The following MINK1 variants were observed in gnomAD, a reference collection of about 807,000 sequenced individuals.
The protein encoded by MINK1 is misshapen-like kinase 1.
Under a neutral mutation model 178.4 loss-of-function variants are expected in MINK1, and 46 were observed. That is an observed-to-expected ratio of 0.26 (90% confidence interval 0.20 to 0.33). The LOEUF (loss-of-function observed/expected upper bound fraction) is 0.33, where lower values mean the gene tolerates loss of function less well. Among genes scored for constraint, MINK1 ranks in the 10% least tolerant of loss-of-function variants. MINK1 has a pLI of 1.00. For synonymous variants in MINK1, 797 were observed against 709.7 expected, an observed-to-expected ratio of 1.12 and a Z score of -1.96; for missense variants, 1,366 against 1,814.9, an observed-to-expected ratio of 0.75 and a Z score of 4.49.
At chr17:4,847,483 G>A (rs559074949) in intron 1 of MINK1, among the ~76,000 whole-genome samples, 2 of 152,150 alleles carry the variant, frequency 1.3e-5, no homozygotes, top group East Asian at 3.8e-4. Context: ...GAGGACTGTA[G>A]GATGATAGGA....
intron 1 of MINK1, among the ~76,000 whole-genome samples, chr17:4,854,532 C>T (rs1190427376): frequency 1.3e-5 from 2 of 152,214 alleles, no homozygotes; most frequent in African/African-American, 4.8e-5. Flanking sequence ...CATGTCCTGA[C>T]TTGTTTCTGC....
intron 1 of MINK1, chr17:4,875,491 G>A (rs1330621984): frequency 1.8e-5 from 8 of 453,638 alleles, no homozygotes; most frequent in South Asian, 1.2e-4. Flanking sequence ...ACAAAAATGA[G>A]GCCGTGCGCA....
chr17:4,891,528 C>G lies in MINK1; in HGVS notation c.1813C>G (p.Gln605Glu). The change falls in exon 16 of 32, where the codon CAG (glutamine) becomes GAG (glutamate). Residue 605 changes from glutamine to glutamate, a missense_variant. Gln to Glu is a conservative substitution (Grantham distance 29, BLOSUM62 2). Around this residue, in one of 14 missense-constraint regions of MINK1, gnomAD observed 709 missense variants for 692.3 expected, o/e 1.02. Transcript: ENST00000355280. ...ACCCCGATCCCAGTCCCTGCAGGAC[C>G]AGCCCACCCGAAACCTGGCTGCCTT... ...PVPRSQSLQDQPTRNLAAFPA... is the reference protein window; with the variant it reads ...PVPRSQSLQDEPTRNLAAFPA... 1 of 1,611,630 alleles carries G rather than the reference C, an allele frequency of 6.2e-7. No homozygotes were observed. Among genetic ancestry groups the G allele is most frequent in the Non-Finnish European group, 8.5e-7 (1 of 1,179,138 alleles).
rs1482115139 is a variant in MINK1 at position 4,855,756 on chromosome 17, C to G, written c.57+22116C>G. On this transcript the variant is annotated intron_variant, in intron 1 of 31. Coordinates refer to ENST00000355280, the MANE Select transcript of MINK1 (RefSeq NM_153827.5). Reference sequence around the variant, plus strand: ...CTGCACTCCAGCCTGGGCGACAGAGCAAGACTCCGTCTCAAAAAAAAAAAA... The same window carrying G: ...CTGCACTCCAGCCTGGGCGACAGAGGAAGACTCCGTCTCAAAAAAAAAAAA... Among the ~76,000 whole-genome samples, 58 of 116,074 alleles carry G rather than the reference C, an allele frequency of 5.0e-4. 1 individual carries two copies. The highest frequency in any genetic ancestry group is 8.7e-5 in the Non-Finnish European group (5 of 57,790). 76.1% of individuals were successfully genotyped at this position (116,074 alleles called of 152,430 possible). A position where few individuals can be genotyped will look rare whatever the true frequency, so the allele number is the denominator to read the frequency against.
At chr17:4,843,457 G>A (rs7222410) in intron 1 of MINK1, among the ~76,000 whole-genome samples, 65,310 of 150,552 alleles carry the variant, frequency 0.43, 15,882 homozygotes, top group Non-Finnish European at 0.56. Flanking sequence ...CAGCCTGGGC[G>A]ACAGAACGAG....
chr17:4,896,182 G>A lies in MINK1; in HGVS notation c.3466-11G>A, dbSNP rs1242288898. The A allele has an allele frequency of 6.3e-7, 1 of 1,599,086 alleles. No homozygotes were observed. The highest frequency in any genetic ancestry group is 1.7e-5 in the Admixed American group (1 of 58,248). Reference sequence around the variant, plus strand: ...TGCCCCTGAGCCCTCCTCTCCTCCGGTTCTCTGCAGTCCTTTGCCGACCTC... The same window carrying A: ...TGCCCCTGAGCCCTCCTCTCCTCCGATTCTCTGCAGTCCTTTGCCGACCTC... On this transcript the variant is annotated splice_polypyrimidine_tract_variant and intron_variant, in intron 28 of 31. Transcript: ENST00000355280. This position sits in a 1 kb window ranked among gnomAD's most constrained non-coding sequence, Gnocchi z 4.6.
intron 1 of MINK1, among the ~76,000 whole-genome samples, chr17:4,872,056 T>C (rs1915919805): frequency 6.6e-6 from 1 of 152,076 alleles, no homozygotes. Flanking sequence ...ACAGGCTGGG[T>C]ACAGTGGCTC....
intron 1 of MINK1, among the ~76,000 whole-genome samples, chr17:4,867,560 G>C (rs1290628129): frequency 6.6e-6 from 1 of 152,114 alleles, no homozygotes; most frequent in African/African-American, 2.4e-5. Context: ...AGCACTTTGG[G>C]GGGCTAAGGT....
Position 4,887,386 on chromosome 17 carries a change from G to A in MINK1, c.1020-194G>A, listed in dbSNP as rs572581099. On this transcript the variant is annotated intron_variant, in intron 11 of 31. Transcript: ENST00000355280. This position sits in a 1 kb window ranked among gnomAD's most constrained non-coding sequence, Gnocchi z 7.6. ...GAGCAATTTGTGGTGAATGTGGGGC[G>A]CAGCAGTAATAGGAAAGGAGGACAG... is the stretch of plus-strand genomic sequence containing the variant. 3.3e-5 allele frequency among the ~76,000 whole-genome samples: 5 copies of A among 152,250 alleles called. No individual in the cohort carries two copies. The highest frequency in any genetic ancestry group is 9.6e-5 in the African/African-American group (4 of 41,548).
chr17:4,857,554 C>T (rs1374762631), intron 1 of MINK1, among the ~76,000 whole-genome samples: 2 of 144,336 alleles, frequency 1.4e-5, no homozygotes, highest in Admixed American at 1.5e-4. Context: ...TCAACCTCTG[C>T]CTCCAGGGCT....
intron 1 of MINK1, among the ~76,000 whole-genome samples, chr17:4,868,042 T>C (rs959340970): frequency 2.0e-5 from 3 of 151,494 alleles, no homozygotes; most frequent in Non-Finnish European, 4.4e-5. Context: ...AATGGCATGA[T>C]CTCGGCTCAC....
chr17:4,897,225 T>G lies in MINK1; in HGVS notation c.3937T>G (p.Ser1313Ala). ...CCAGGTGTTTTTTGCCTCAGTCCGC[T>G]CTGGGGGCAGCAGCCAAGTTTACTT... ...NDKVFFASVR[S>A]GGSSQVYFMT... is the part of the protein sequence containing the mutation. Residue 1313 changes from serine to alanine, a missense_variant, in exon 32 of 32, where the codon TCT becomes GCT. By Grantham distance (99) the Ser-to-Ala change is moderately conservative. Around this residue, in one of 14 missense-constraint regions of MINK1, gnomAD observed 201 missense variants for 240.7 expected, o/e 0.84. Coordinates refer to ENST00000355280, the MANE Select transcript of MINK1 (RefSeq NM_153827.5). 6.2e-7 allele frequency: 1 copy of G among 1,613,712 alleles called. No individual in the cohort carries two copies. Among genetic ancestry groups the G allele is most frequent in the Non-Finnish European group, 8.5e-7 (1 of 1,179,774 alleles).
In MINK1 at chr17:4,895,049, C is replaced by T; in HGVS notation, c.2918-26C>T. On this transcript the variant is annotated intron_variant, in intron 24 of 31. Coordinates refer to ENST00000355280, the MANE Select transcript of MINK1 (RefSeq NM_153827.5). The surrounding 1 kb of genome is among the most constrained non-coding windows in gnomAD (Gnocchi z 4.3). Reference sequence around the variant, plus strand: ...ATGGGGTGAGAAGCTGCAGCCCCTCCTCCCACCTCCTCCTCCTTCTGGCAG... The same window carrying T: ...ATGGGGTGAGAAGCTGCAGCCCCTCTTCCCACCTCCTCCTCCTTCTGGCAG... 1 of 1,611,196 alleles carries T rather than the reference C, an allele frequency of 6.2e-7. No homozygotes were observed. The highest frequency in any genetic ancestry group is 2.2e-5 in the East Asian group (1 of 44,824).
In MINK1 at chr17:4,885,575, G is replaced by A. The variant is rs761409232; in HGVS notation, c.601G>A (p.Ala201Thr). Residue 201 changes from alanine to threonine, a missense_variant, in exon 7 of 32, where the codon GCC becomes ACC. Physicochemically the swap from Ala to Thr is moderately conservative, Grantham distance 58 (BLOSUM62 0). This residue lies in a region of MINK1 where 109 missense variants were observed against 369.4 expected (regional missense o/e 0.30). Transcript: ENST00000355280. This position sits in a 1 kb window ranked among gnomAD's most constrained non-coding sequence, Gnocchi z 5.0. ...TPYWMAPEVIACDENPDATYD... is the reference protein window; with the variant it reads ...TPYWMAPEVITCDENPDATYD... ...CTACTGGATGGCTCCAGAGGTCATC[G>A]CCTGTGATGAGAACCCTGATGCCAC... is the stretch of plus-strand genomic sequence containing the variant. 4.3e-6 allele frequency: 7 copies of A among 1,613,870 alleles called. No individual in the cohort carries two copies. Among genetic ancestry groups the A allele is most frequent in the Non-Finnish European group, 5.9e-6 (7 of 1,179,892 alleles).
At chr17:4,890,125 G>A in intron 13 of MINK1, 2 of 490,082 alleles carry the variant, frequency 4.1e-6, no homozygotes, top group Non-Finnish European at 6.7e-6. Context: ...ATTCTCCTGC[G>A]GATCCCTTCC....
chr17:4,887,337 A>G lies in MINK1; in HGVS notation c.1019+158A>G, dbSNP rs1433544975. Among the ~76,000 whole-genome samples, 1 of 152,138 alleles carries G rather than the reference A, an allele frequency of 6.6e-6. No homozygotes were observed. Among genetic ancestry groups the G allele is most frequent in the East Asian group, 1.9e-4 (1 of 5,192 alleles). ...TTCTGAGTGCTAAGAAGTGGAACCA[A>G]TGACTGAGCAAGAGCTGGGGAGAGA... On this transcript the variant is annotated intron_variant, in intron 11 of 31. Coordinates refer to ENST00000355280, the MANE Select transcript of MINK1 (RefSeq NM_153827.5). This position sits in a 1 kb window ranked among gnomAD's most constrained non-coding sequence, Gnocchi z 7.6.
intron 1 of MINK1, among the ~76,000 whole-genome samples, chr17:4,861,182 A>C (rs1402919359): frequency 1.3e-5 from 2 of 152,302 alleles, no homozygotes; most frequent in African/African-American, 4.8e-5. Flanking sequence ...GCAGCTCCCT[A>C]GTGAGGCGAG....
At chr17:4,888,826 G>A (rs2151028279) in intron 12 of MINK1, among the ~76,000 whole-genome samples, 1 of 151,572 alleles carries the variant, frequency 6.6e-6, no homozygotes, top group South Asian at 2.1e-4. Flanking sequence ...GCCTCCTGAG[G>A]AGCTGGGATT....
chr17:4,893,150 C>A, intron 20 of MINK1, 83 bp downstream of exon 20: 1 of 1,504,084 alleles, frequency 6.6e-7, no homozygotes, highest in South Asian at 1.2e-5. Context: ...GGGGTGGGGT[C>A]TCCGCTGATC....
Sources: allele counts gnomAD v4.1 joint callset (sites outside exome capture counted in the v4.1 genomes callset), GRCh38; gene constraint gnomAD v4.1.1; regional missense constraint gnomAD v4.1.1; non-coding constraint Gnocchi (gnomAD v3.1); transcripts MANE v1.5; gene names NCBI Gene and HGNC (gene_info 2026-07-23, HGNC 2026-07-21).